The following CACNA2D3 variants were observed in gnomAD, a reference collection of about 807,000 sequenced individuals.
CACNA2D3 encodes the protein voltage-dependent calcium channel subunit alpha-2/delta-3.
A neutral mutation model predicts 160.6 loss-of-function variants in CACNA2D3; 60 were observed. The observed-to-expected ratio is 0.37, with a 90% CI of 0.30 to 0.46. CACNA2D3 has a LOEUF of 0.46. CACNA2D3 is among the 20% of genes least tolerant of loss of function. The pLI, the probability that CACNA2D3 is intolerant of heterozygous loss-of-function variation, is 1.00. For synonymous variants in CACNA2D3, 558 were observed against 492.9 expected (o/e 1.13, Z -1.75); for missense variants, 1,205 against 1,365.0 (o/e 0.88, Z 1.85).
chr3:54,538,569 C>G (rs1245617768), intron 5 of CACNA2D3, among the ~76,000 whole-genome samples: 2 of 152,040 alleles, frequency 1.3e-5, no homozygotes, highest in Non-Finnish European at 2.9e-5. Context: ...AGGATCCAGG[C>G]AAGCAGAGAG....
intron 27 of CACNA2D3, among the ~76,000 whole-genome samples, chr3:54,915,764 A>G (rs1418564061): frequency 6.6e-6 from 1 of 152,218 alleles, no homozygotes; most frequent in Non-Finnish European, 1.5e-5. Flanking sequence ...ATTTCAGGGT[A>G]AGTAATTATT....
intron 9 of CACNA2D3, among the ~76,000 whole-genome samples, chr3:54,623,980 A>G (rs993872654): frequency 6.6e-6 from 1 of 152,048 alleles, no homozygotes; most frequent in Admixed American, 6.6e-5. Flanking sequence ...AGCTCCAAAG[A>G]CCAGGAGGGT....
rs1273112871 is a variant in CACNA2D3, at chr3:54,259,067, G to A, written c.205-61375G>A. The stretch of plus-strand genomic sequence containing the variant: ...TCCATTTGATGCTGGGGTCCCATAA[G>A]CTTCAGCCACAATGTGGGCAGGGGC... On this transcript the variant is annotated intron_variant, in intron 2 of 37. Coordinates refer to ENST00000474759, the MANE Select transcript of CACNA2D3 (RefSeq NM_018398.3). Among the ~76,000 whole-genome samples, 3 of 152,202 alleles carry A rather than the reference G, an allele frequency of 2.0e-5. No homozygotes were observed. In the East Asian group the frequency reaches 5.8e-4, roughly 29 times the overall value.
At chr3:55,031,486 A>C (rs987744) in intron 35 of CACNA2D3, among the ~76,000 whole-genome samples, 1 of 152,238 alleles carries the variant, frequency 6.6e-6, no homozygotes, top group Admixed American at 6.5e-5. Flanking sequence ...ATATAGATAC[A>C]AAGTTTCTAG....
intron 9 of CACNA2D3, among the ~76,000 whole-genome samples, chr3:54,594,324 A>G (rs955561574): frequency 1.3e-5 from 2 of 152,180 alleles, no homozygotes; most frequent in Non-Finnish European, 2.9e-5. Flanking sequence ...TTCCAATAAA[A>G]CTTTATTTAA....
intron 4 of CACNA2D3, among the ~76,000 whole-genome samples, chr3:54,497,710 A>G (rs1344632803): frequency 6.6e-6 from 1 of 152,034 alleles, no homozygotes; most frequent in Non-Finnish European, 1.5e-5. Context: ...GTGCTTCTTC[A>G]TCAATATAAT....
At chr3:54,786,701 T>C (rs2106638425) in intron 13 of CACNA2D3, among the ~76,000 whole-genome samples, 1 of 152,342 alleles carries the variant, frequency 6.6e-6, no homozygotes, top group East Asian at 1.9e-4. Context: ...ATCACTTAGC[T>C]ATAACCTAGT....
At chr3:54,681,240 TAGAA>T (rs1459056399) in intron 11 of CACNA2D3, among the ~76,000 whole-genome samples, 37 of 151,376 alleles carry the variant, frequency 2.4e-4, no homozygotes, top group Admixed American at 2.1e-3. Flanking sequence ...CATGTATGGA[TAGAA>T]AGAATAGTGA....
At chr3:54,824,389 G>C (rs1703705028) in intron 14 of CACNA2D3, among the ~76,000 whole-genome samples, 1 of 152,168 alleles carries the variant, frequency 6.6e-6, no homozygotes, top group Non-Finnish European at 1.5e-5. Flanking sequence ...CCTCTGGTTG[G>C]GGGAAGGACT....
chr3:55,007,439 T>A (rs186625031), intron 32 of CACNA2D3, among the ~76,000 whole-genome samples: 1 of 152,324 alleles, frequency 6.6e-6, no homozygotes, highest in Admixed American at 6.5e-5. Context: ...AAATTAGTTA[T>A]ATGATTCCAG....
rs1699895963 is a variant in CACNA2D3, at chr3:54,885,285, G to A, written c.1917G>A (p.Leu639=). Residue 639 remains leucine (L), a synonymous_variant, in exon 22 of 38, where the codon CTG becomes CTA. Coordinates refer to ENST00000474759, the MANE Select transcript of CACNA2D3 (RefSeq NM_018398.3). ...FRGNVTIEEG[L]HDLEHPDVSL... is the part of the protein sequence containing the mutation. ...CCCCTTCTCCTTGACCCCCAGGCCT[G>A]CATGACTTAGAACATCCCGATGTGT... 6.2e-7 allele frequency: 1 copy of A among 1,613,882 alleles called. No individual in the cohort carries two copies. The highest frequency in any genetic ancestry group is 8.5e-7 in the Non-Finnish European group (1 of 1,179,806).
intron 26 of CACNA2D3, among the ~76,000 whole-genome samples, chr3:54,897,837 T>C (rs1700227331): frequency 6.6e-6 from 1 of 152,216 alleles, no homozygotes; most frequent in Non-Finnish European, 1.5e-5. Context: ...ATTGGTTGAA[T>C]GGGCTCATTA....
At chr3:54,970,288 A>G (rs1340275309) in intron 29 of CACNA2D3, among the ~76,000 whole-genome samples, 2 of 152,164 alleles carry the variant, frequency 1.3e-5, no homozygotes, top group Non-Finnish European at 2.9e-5. Flanking sequence ...AATTTCATGT[A>G]ATAAGCAAAC....
chr3:54,352,863 T>A (rs561400480), intron 3 of CACNA2D3, among the ~76,000 whole-genome samples: 25 of 152,364 alleles, frequency 1.6e-4, no homozygotes, highest in South Asian at 1.2e-3. Context: ...CAACTTTTTT[T>A]AATTTTTAAT....
chr3:54,871,043 TACACACACAC>T (rs58370850), intron 17 of CACNA2D3, among the ~76,000 whole-genome samples: 4,215 of 142,958 alleles, frequency 0.029, 80 homozygotes, highest in Non-Finnish European at 0.041. Context: ...AGCTTTGGGA[TACACACACAC>T]ACACACACAC....
At chr3:54,173,050 A>G (rs1700607001) in intron 2 of CACNA2D3, among the ~76,000 whole-genome samples, 1 of 152,170 alleles carries the variant, frequency 6.6e-6, no homozygotes. Context: ...ATACTAAGGG[A>G]TGGGGGCATT....
chr3:54,703,566 A>G (rs762995344), intron 11 of CACNA2D3, among the ~76,000 whole-genome samples: 11 of 152,168 alleles, frequency 7.2e-5, no homozygotes, highest in Non-Finnish European at 1.5e-4. Flanking sequence ...TGAAGGTTCA[A>G]TAACCGTTGA....
At chr3:54,935,951 CA>C (rs1701318470) in intron 27 of CACNA2D3, among the ~76,000 whole-genome samples, 1 of 152,178 alleles carries the variant, frequency 6.6e-6, no homozygotes, top group Admixed American at 6.5e-5. Flanking sequence ...TGAGTCCAAT[CA>C]TTTCATTTTA....
At chr3:54,662,191 T>C (rs1311235991) in intron 11 of CACNA2D3, among the ~76,000 whole-genome samples, 1 of 152,066 alleles carries the variant, frequency 6.6e-6, no homozygotes, top group African/African-American at 2.4e-5. Flanking sequence ...TGTGTGTGTG[T>C]TTTTTATAGA....
Sources: gnomAD v4.1 joint callset for allele counts (sites outside exome capture counted in the v4.1 genomes callset) on GRCh38, gnomAD v4.1.1 for gene constraint, MANE v1.5 for transcripts, NCBI Gene and HGNC (gene_info 2026-07-23, HGNC 2026-07-21) for gene names.